Variants in NCAM2 observed in about 807,000 individuals in gnomAD.
The protein encoded by NCAM2 is N-CAM-2.
Under a neutral mutation model 98.1 loss-of-function variants are expected in NCAM2, and 30 were observed. The ratio of observed to expected loss-of-function variants is 0.31; its 90% CI spans 0.23 to 0.41. The LOEUF is 0.41. Ranked by LOEUF, NCAM2 falls within the 10% of genes least tolerant of loss-of-function variation. NCAM2 has a pLI of 1.00. For synonymous variants in NCAM2, 368 were observed against 342.4 expected, an observed-to-expected ratio of 1.07 and a Z score of -0.83; for missense variants, 867 against 1,005.8, an observed-to-expected ratio of 0.86 and a Z score of 1.87.
intron 1 of NCAM2, among the ~76,000 whole-genome samples, chr21:21,061,895 G>C (rs146491517): frequency 6.6e-6 from 1 of 152,190 alleles, no homozygotes; most frequent in East Asian, 1.9e-4. Context: ...AATATTACCA[G>C]TATTTCAATG....
intron 1 of NCAM2, among the ~76,000 whole-genome samples, chr21:21,057,451 C>T (rs1050301521): frequency 6.6e-6 from 1 of 152,082 alleles, no homozygotes; most frequent in Non-Finnish European, 1.5e-5. Flanking sequence ...AACCTTAATA[C>T]TCTCAAGGTT....
intron 1 of NCAM2, among the ~76,000 whole-genome samples, chr21:21,106,011 A>G (rs529516741): frequency 1.9e-3 from 291 of 152,222 alleles, no homozygotes; most frequent in Non-Finnish European, 3.4e-3. Flanking sequence ...GTAAAACTAT[A>G]TATGTCCATG....
intron 1 of NCAM2, among the ~76,000 whole-genome samples, chr21:21,073,706 A>T (rs893513735): frequency 1.3e-5 from 2 of 152,232 alleles, no homozygotes; most frequent in African/African-American, 4.8e-5. Context: ...ATCTGGAGGT[A>T]TGAAGCCCAC....
intron 1 of NCAM2, among the ~76,000 whole-genome samples, chr21:21,088,076 T>C (rs541583208): frequency 2.6e-5 from 4 of 152,288 alleles, no homozygotes; most frequent in East Asian, 1.9e-4. Flanking sequence ...TAATTGCATA[T>C]GGCTAGTATA....
intron 1 of NCAM2, among the ~76,000 whole-genome samples, chr21:21,016,007 CGCCT>C (rs2064301699): frequency 1.3e-5 from 2 of 152,098 alleles, no homozygotes; most frequent in South Asian, 4.1e-4. Context: ...AATGCCCAGT[CGCCT>C]GTATTTCTTT....
At chr21:21,033,676 C>T (rs772306948) in intron 1 of NCAM2, among the ~76,000 whole-genome samples, 4 of 151,992 alleles carry the variant, frequency 2.6e-5, no homozygotes, top group Non-Finnish European at 4.4e-5. Context: ...GCTTATTAAG[C>T]GGATTAAAAT....
chr21:21,332,353 T>C (rs950228263), intron 6 of NCAM2, among the ~76,000 whole-genome samples: 4 of 152,186 alleles, frequency 2.6e-5, no homozygotes, highest in Non-Finnish European at 4.4e-5. Context: ...TTAGGCTCTT[T>C]TAGGTGGATC....
At chr21:21,099,803 A>G (rs1212868144) in intron 1 of NCAM2, among the ~76,000 whole-genome samples, 12 of 151,884 alleles carry the variant, frequency 7.9e-5, no homozygotes, top group Admixed American at 7.9e-4. Flanking sequence ...TAAAATTTAT[A>G]TTAGCGATCC....
At chr21:21,388,716 GT>G (rs2076319931) in intron 9 of NCAM2, among the ~76,000 whole-genome samples, 1 of 152,174 alleles carries the variant, frequency 6.6e-6, no homozygotes, top group Non-Finnish European at 1.5e-5. Flanking sequence ...CTTTTAAGTA[GT>G]TTTGGAACAA....
At chr21:21,374,066 C>G in intron 9 of NCAM2, 53 bp downstream of exon 9, 1 of 1,550,676 alleles carries the variant, frequency 6.4e-7, no homozygotes, top group South Asian at 1.2e-5. Context: ...TGCTTTGAAA[C>G]ATATGATTTT....
intron 1 of NCAM2, among the ~76,000 whole-genome samples, chr21:21,153,457 A>C (rs2067507661): frequency 6.6e-6 from 1 of 151,916 alleles, no homozygotes; most frequent in African/African-American, 2.4e-5. Flanking sequence ...ACACAACATA[A>C]ATATATAGAA....
intron 8 of NCAM2, among the ~76,000 whole-genome samples, chr21:21,343,015 C>T (rs142839178): frequency 1.7e-3 from 262 of 152,212 alleles, no homozygotes; most frequent in African/African-American, 6.1e-3. Context: ...AAGTGTATGG[C>T]TGGCACTCTC....
chr21:21,455,129 G>A (rs989905242), intron 12 of NCAM2, among the ~76,000 whole-genome samples: 23 of 145,390 alleles, frequency 1.6e-4, no homozygotes, highest in African/African-American at 5.6e-4. Flanking sequence ...AAATTTGTAT[G>A]CCAAATAAGA....
At chr21:21,094,760 G>A (rs1223855650) in intron 1 of NCAM2, among the ~76,000 whole-genome samples, 3 of 151,636 alleles carry the variant, frequency 2.0e-5, no homozygotes, top group Non-Finnish European at 3.0e-5. Context: ...CTTACATAAC[G>A]ATGTAAGTGG....
intron 1 of NCAM2, among the ~76,000 whole-genome samples, chr21:21,270,506 G>A (rs76461150): frequency 0.019 from 2,891 of 152,142 alleles, 115 homozygotes; most frequent in East Asian, 0.17. Flanking sequence ...GAATCTTAAC[G>A]TAATGATTTT....
chr21:21,524,259 C>T (rs1484206565), intron 16 of NCAM2, among the ~76,000 whole-genome samples: 4 of 151,992 alleles, frequency 2.6e-5, no homozygotes, highest in Non-Finnish European at 4.4e-5. Flanking sequence ...ATAATGGGGT[C>T]ATTTCTCAAG....
At chr21:21,127,587 A>G (rs1015074) in intron 1 of NCAM2, among the ~76,000 whole-genome samples, 118,017 of 151,898 alleles carry the variant, frequency 0.78, 45,837 homozygotes, top group East Asian at 0.87. Context: ...TTTTATACTC[A>G]TTAACCAACC....
intron 9 of NCAM2, among the ~76,000 whole-genome samples, chr21:21,406,905 T>G (rs2076749840): frequency 6.6e-6 from 1 of 152,198 alleles, no homozygotes; most frequent in South Asian, 2.1e-4. Flanking sequence ...CCTTTTTTCT[T>G]TCATATATAT....
chr21:21,467,365 G>A (rs909144554), intron 13 of NCAM2, among the ~76,000 whole-genome samples: 1 of 142,118 alleles, frequency 7.0e-6, no homozygotes. Flanking sequence ...GCGTAACACT[G>A]CCTGATATAT....
Sources: gnomAD v4.1 joint callset for allele counts (sites outside exome capture counted in the v4.1 genomes callset) on GRCh38, gnomAD v4.1.1 for gene constraint, MANE v1.5 for transcripts, NCBI Gene and HGNC (gene_info 2026-07-23, HGNC 2026-07-21) for gene names.